ACTR3C: variants seen among roughly 807,000 people sequenced by gnomAD.
ACTR3C encodes the protein actin-related protein 3C.
Under a neutral mutation model 26.3 loss-of-function variants are expected in ACTR3C, and 18 were observed. That is an observed-to-expected ratio of 0.68 (90% confidence interval 0.47 to 1.01). The LOEUF (loss-of-function observed/expected upper bound fraction) is 1.01. Among genes scored for constraint, ACTR3C ranks in the 50% least tolerant of loss-of-function variants. ACTR3C has a pLI of 0.00. For missense variants in ACTR3C, 184 were observed against 250.7 expected (o/e 0.73, Z 1.80); for synonymous variants, 55 against 94.5 (o/e 0.58, Z 2.42).
At chr7:150,173,343 T>A in the ACTR3C span, among the ~76,000 whole-genome samples, 1 of 146,660 alleles carries the variant, frequency 6.8e-6, no homozygotes, top group African/African-American at 2.7e-5. Flanking sequence ...TGCCAAGGCT[T>A]GGGGCTTACA....
chr7:150,169,473 G>A, the ACTR3C span, among the ~76,000 whole-genome samples: 2 of 149,872 alleles, frequency 1.3e-5, no homozygotes, highest in Non-Finnish European at 2.9e-5. Flanking sequence ...TGAGGTGGCC[G>A]CCTATAAGCC....
the ACTR3C span, among the ~76,000 whole-genome samples, chr7:150,025,432 C>T: frequency 2.0e-5 from 3 of 151,950 alleles, no homozygotes; most frequent in South Asian, 2.1e-4. Flanking sequence ...TTCAAGGGAT[C>T]GAGATTTTAG....
chr7:150,064,094 C>G, the ACTR3C span, among the ~76,000 whole-genome samples: 7 of 152,070 alleles, frequency 4.6e-5, no homozygotes, highest in African/African-American at 1.5e-4. Context: ...GTATGATGTG[C>G]CTGTGCACCA....
the ACTR3C span, among the ~76,000 whole-genome samples, chr7:149,901,525 A>ATT: frequency 0.43 from 64,975 of 149,440 alleles, 14,487 homozygotes; most frequent in African/African-American, 0.51. Flanking sequence ...TTATTTCAAA[A>ATT]TAAAATATTT....
chr7:149,904,449 T>C, the ACTR3C span, among the ~76,000 whole-genome samples: 1 of 150,814 alleles, frequency 6.6e-6, no homozygotes, highest in East Asian at 2.0e-4. Flanking sequence ...GAGAATCGCT[T>C]GAACCCGGGA....
the ACTR3C span, among the ~76,000 whole-genome samples, chr7:149,893,517 A>G: frequency 6.6e-6 from 1 of 152,230 alleles, no homozygotes; most frequent in Non-Finnish European, 1.5e-5. Context: ...GACAGGTACT[A>G]TTATCTGCAT....
At chr7:150,320,521 G>A (rs1403097402) in intron 1 of ACTR3C, among the ~76,000 whole-genome samples, 1 of 152,194 alleles carries the variant, frequency 6.6e-6, no homozygotes, top group Non-Finnish European at 1.5e-5. Flanking sequence ...CCAGCACTTC[G>A]GGAGGCTGAG....
the ACTR3C span, among the ~76,000 whole-genome samples, chr7:150,010,727 G>A: frequency 6.7e-6 from 1 of 148,812 alleles, no homozygotes; most frequent in African/African-American, 2.5e-5. Context: ...CTCTGTGGTT[G>A]TTTCTGCTCA....
the ACTR3C span, among the ~76,000 whole-genome samples, chr7:150,085,728 A>G: frequency 6.6e-6 from 1 of 152,100 alleles, no homozygotes; most frequent in African/African-American, 2.4e-5. Context: ...TTTAATAAGT[A>G]TCCATCATTA....
At chr7:150,238,097 ATGAGACATACGCTAACAACCAT>A in the ACTR3C span, among the ~76,000 whole-genome samples, 1 of 150,160 alleles carries the variant, frequency 6.7e-6, no homozygotes, top group Non-Finnish European at 1.5e-5. Flanking sequence ...AAGGCATATT[ATGAGACATACGCTAACAACCAT>A]AACTTTAGTT....
the ACTR3C span, among the ~76,000 whole-genome samples, chr7:150,209,004 T>A: frequency 6.6e-6 from 1 of 152,122 alleles, no homozygotes; most frequent in Non-Finnish European, 1.5e-5. Context: ...AAAAATACAC[T>A]GGGTGGGATT....
the ACTR3C span, among the ~76,000 whole-genome samples, chr7:150,187,235 T>C: frequency 8.0e-5 from 12 of 150,860 alleles, no homozygotes; most frequent in African/African-American, 3.0e-4. Context: ...TGTCTTCTTA[T>C]ATATACTCTT....
At position 150,278,595 on chromosome 7, in the gene ACTR3C, G is replaced by T. The variant is rs189784732; in HGVS notation, c.564+6158C>A. On this transcript the variant is annotated intron_variant, in intron 6 of 7. Transcript: ENST00000683684. ...GACATTACTCGATGTTGCCACAGTG[G>T]CAGAGCTCCGCCATCCACATCTCCA... Among the ~76,000 whole-genome samples, 546 of 152,356 alleles carry T rather than the reference G, an allele frequency of 3.6e-3. 1 individual carries two copies. The highest frequency in any genetic ancestry group is 0.013 in the African/African-American group (531 of 41,584).
chr7:149,945,894 A>G, the ACTR3C span, among the ~76,000 whole-genome samples: 1 of 152,306 alleles, frequency 6.6e-6, no homozygotes, highest in East Asian at 1.9e-4. Flanking sequence ...CCCATTGCAG[A>G]CAAGATCACG....
At chr7:149,896,331 T>G in the ACTR3C span, among the ~76,000 whole-genome samples, 1 of 152,170 alleles carries the variant, frequency 6.6e-6, no homozygotes, top group Non-Finnish European at 1.5e-5. Flanking sequence ...CACTTACTAG[T>G]TAGCTGACTT....
the ACTR3C span, among the ~76,000 whole-genome samples, chr7:149,893,676 T>C: frequency 6.6e-6 from 1 of 152,236 alleles, no homozygotes; most frequent in Non-Finnish European, 1.5e-5. Context: ...AAAATATTTA[T>C]TGTGGGTTTG....
chr7:150,031,372 C>G, the ACTR3C span, among the ~76,000 whole-genome samples: 2 of 151,848 alleles, frequency 1.3e-5, no homozygotes, highest in Admixed American at 1.3e-4. Flanking sequence ...GGGTCTCCAA[C>G]AGGAAAAATT....
the ACTR3C span, among the ~76,000 whole-genome samples, chr7:150,215,266 T>G: frequency 6.6e-6 from 1 of 152,158 alleles, no homozygotes; most frequent in African/African-American, 2.4e-5. Flanking sequence ...AACTTCAAAA[T>G]GCAAACGCTT....
the ACTR3C span, among the ~76,000 whole-genome samples, chr7:150,032,588 C>A: frequency 1.3e-5 from 2 of 152,060 alleles, no homozygotes; most frequent in Non-Finnish European, 2.9e-5. Context: ...GAGCTTAGAG[C>A]AGAAACTACC....
Sources: allele counts gnomAD v4.1 joint callset (sites outside exome capture counted in the v4.1 genomes callset), GRCh38; gene constraint gnomAD v4.1.1; transcripts MANE v1.5; gene names NCBI Gene and HGNC (gene_info 2026-07-23, HGNC 2026-07-21).